EMC3: variants seen among roughly 807,000 people sequenced by gnomAD.
The protein encoded by EMC3 is ER membrane protein complex subunit 3, also known as 30 kDa protein.
EMC3 carries 13 observed loss-of-function variants against 36.6 expected under a neutral mutation model. That is an observed-to-expected ratio of 0.35 (90% CI 0.23 to 0.56). EMC3 has a LOEUF of 0.56. Among genes scored for constraint, EMC3 ranks in the 20% least tolerant of loss-of-function variants. The probability of loss-of-function intolerance (pLI) is 0.84; values close to 1 mark genes in which losing one functional copy is unlikely to be tolerated. For synonymous variants in EMC3, 120 were observed against 111.9 expected, an observed-to-expected ratio of 1.07 and a Z score of -0.46; for missense variants, 220 against 324.5, an observed-to-expected ratio of 0.68 and a Z score of 2.47.
rs767592107 is a variant in EMC3, at chr3:9,984,080, CT to C, written c.155+2426del. Reference sequence around the variant, plus strand: ...AGCCCTTCTTTCTGTGGTAAATACACTTTTTTTTTTTTTTTTAAATGAGATG... The same window carrying C: ...AGCCCTTCTTTCTGTGGTAAATACACTTTTTTTTTTTTTTTAAATGAGATG... On this transcript the variant is annotated intron_variant, in intron 1 of 7. Coordinates refer to ENST00000245046, the MANE Select transcript of EMC3 (RefSeq NM_001394674.1). Among the ~76,000 whole-genome samples, 1,315 of 143,428 alleles carry C rather than the reference CT, an allele frequency of 9.2e-3. 12 individuals carry two copies. The highest frequency in any genetic ancestry group is 0.019 in the African/African-American group (744 of 39,260). 94.1% of individuals were successfully genotyped at this position (143,428 alleles called of 152,430 possible). A position where few individuals can be genotyped will look rare whatever the true frequency, so the allele number is the denominator to read the frequency against.
intron 1 of EMC3, among the ~76,000 whole-genome samples, chr3:9,992,111 T>A (rs1003324202): frequency 2.0e-5 from 3 of 152,020 alleles, no homozygotes; most frequent in Non-Finnish European, 4.4e-5. Context: ...TCTTTTTTTT[T>A]TAAATTTTGT....
intron 3 of EMC3, 48 bp downstream of exon 3, chr3:9,976,909 C>A: frequency 7.2e-7 from 1 of 1,384,370 alleles, no homozygotes; most frequent in Non-Finnish European, 1.0e-6. Context: ...CACTCAAATA[C>A]CCATGTTAAA....
intron 1 of EMC3, chr3:9,994,280 A>G (rs2086095749): frequency 8.6e-7 from 1 of 1,165,040 alleles, no homozygotes; most frequent in Admixed American, 1.7e-5. Context: ...GCAGTCTCCT[A>G]TACAAATAAT....
upstream of EMC3, chr3:9,988,523 A>G (rs142870094): frequency 4.3e-5 from 41 of 964,094 alleles, no homozygotes; most frequent in African/African-American, 5.2e-4. Context: ...ATGAGTGGCA[A>G]TTAGTGACAG....
intron 1 of EMC3, among the ~76,000 whole-genome samples, chr3:9,999,096 G>A (rs1394607701): frequency 2.0e-5 from 3 of 151,988 alleles, no homozygotes; most frequent in Admixed American, 6.6e-5. Context: ...TCATTGTTGA[G>A]GTATAGGAGT....
chr3:9,978,691 G>A (rs545518538), intron 1 of EMC3, among the ~76,000 whole-genome samples: 2 of 151,506 alleles, frequency 1.3e-5, no homozygotes, highest in East Asian at 2.0e-4. Context: ...TTAGCCGGGT[G>A]TGGTGGCCTG....
At chr3:9,974,875 T>TC (rs2085828626) in intron 3 of EMC3, among the ~76,000 whole-genome samples, 1 of 143,534 alleles carries the variant, frequency 7.0e-6, no homozygotes, top group Non-Finnish European at 1.5e-5. Context: ...TTTTTTTTTT[T>TC]TTTGAGATGG....
At chr3:9,991,160 C>T (rs2086047477), upstream of EMC3, among the ~76,000 whole-genome samples, 1 of 152,104 alleles carries the variant, frequency 6.6e-6, no homozygotes, top group South Asian at 2.1e-4. Context: ...TGAGGTCTTG[C>T]TGTGTTTCCC....
At chr3:9,994,477 A>G (rs2086098574) in intron 1 of EMC3, 2 of 477,370 alleles carry the variant, frequency 4.2e-6, no homozygotes, top group Non-Finnish European at 7.6e-6. Context: ...GATGAAATGA[A>G]GAGATTTGAC....
intron 1 of EMC3, among the ~76,000 whole-genome samples, chr3:9,998,948 A>G (rs2086164173): frequency 6.6e-6 from 1 of 152,040 alleles, no homozygotes; most frequent in African/African-American, 2.4e-5. Flanking sequence ...GGTAGACATA[A>G]GGTTTCGTCA....
chr3:9,982,264 C>CT (rs1489402648), intron 1 of EMC3, among the ~76,000 whole-genome samples: 1 of 145,294 alleles, frequency 6.9e-6, no homozygotes, highest in East Asian at 2.1e-4. Flanking sequence ...TGGAAATTTT[C>CT]TTTTTTTTGA....
At position 9,992,825 on chromosome 3, in the gene EMC3, A is replaced by G; in HGVS notation, c.-241-5923T>C. ...AGAGGAAAAGCTGCTGTTTCATTGTAGCAAATGTACTGATTGGTTAACTGT... is the reference window on the plus strand; with the variant it reads ...AGAGGAAAAGCTGCTGTTTCATTGTGGCAAATGTACTGATTGGTTAACTGT... On this transcript the variant is annotated intron_variant, in intron 1 of 8. Transcript: ENST00000470827. The G allele has an allele frequency of 7.6e-6, 9 of 1,180,410 alleles. No individual in the cohort carries two copies. The South Asian group carries it at 1.0e-4, about 13-fold the overall frequency. 73.1% of individuals were successfully genotyped at this position (1,180,410 alleles called of 1,614,324 possible).
intron 1 of EMC3, chr3:10,002,791 C>T (rs1231306369): frequency 4.4e-6 from 2 of 455,544 alleles, no homozygotes; most frequent in Admixed American, 2.4e-5. Flanking sequence ...ACAAGCCTTC[C>T]AGCATGACCC....
intron 1 of EMC3, among the ~76,000 whole-genome samples, chr3:10,009,565 G>A (rs765942082): frequency 1.0e-3 from 152 of 152,222 alleles, no homozygotes; most frequent in Non-Finnish European, 1.3e-3. Context: ...GCATCACGGG[G>A]TGGAGGGGCA....
intron 1 of EMC3, among the ~76,000 whole-genome samples, chr3:10,001,957 C>T (rs895630852): frequency 7.2e-5 from 11 of 152,252 alleles, no homozygotes; most frequent in Non-Finnish European, 1.0e-4. Flanking sequence ...CGAGATCACG[C>T]CACTGCACTC....
chr3:9,998,175 G>T (rs1211021429), intron 1 of EMC3, among the ~76,000 whole-genome samples: 1 of 151,734 alleles, frequency 6.6e-6, no homozygotes, highest in East Asian at 1.9e-4. Flanking sequence ...GACCATCCTG[G>T]CTAACATGGT....
intron 1 of EMC3, chr3:10,007,217 G>T: frequency 2.1e-6 from 2 of 958,404 alleles, no homozygotes; most frequent in Non-Finnish European, 2.8e-6. Context: ...GCTCTGAAGG[G>T]CTGAGGCTCT....
At chr3:9,969,890 G>A in intron 6 of EMC3, 89 bp from the exon 7 acceptor site, 3 of 1,542,866 alleles carry the variant, frequency 1.9e-6, no homozygotes, top group South Asian at 1.2e-5. Context: ...ACAGATTAGA[G>A]AACTGGACTA....
intron 1 of EMC3, among the ~76,000 whole-genome samples, chr3:10,001,448 G>T (rs2124937561): frequency 6.6e-6 from 1 of 151,690 alleles, no homozygotes; most frequent in South Asian, 2.1e-4. Flanking sequence ...TGTGGTGGTG[G>T]GCGCCTGTAG....
Sources: gnomAD v4.1 joint callset for allele counts (sites outside exome capture counted in the v4.1 genomes callset) on GRCh38, gnomAD v4.1.1 for gene constraint, MANE v1.5 for transcripts, NCBI Gene and HGNC (gene_info 2026-07-23, HGNC 2026-07-21) for gene names.